ADARB2: variants seen among roughly 807,000 people sequenced by gnomAD.
ADARB2 encodes the protein adenosine deaminase RNA specific B2 (inactive), also known as inactive double-stranded RNA-specific editase B2.
A neutral mutation model predicts 62.2 loss-of-function variants in ADARB2; 25 were observed. The ratio of observed to expected loss-of-function variants is 0.40; its 90% CI spans 0.29 to 0.56. ADARB2 has a LOEUF of 0.56. Among genes scored for constraint, ADARB2 ranks in the 20% least tolerant of loss-of-function variants. The pLI is 0.43. For missense variants in ADARB2, 1,071 were observed against 1,077.4 expected, an observed-to-expected ratio of 0.99 and a Z score of 0.08; for synonymous variants, 572 against 500.8, an observed-to-expected ratio of 1.14 and a Z score of -1.90.
chr10:1,421,313 A>C (rs1832851306), intron 1 of ADARB2, among the ~76,000 whole-genome samples: 1 of 151,040 alleles, frequency 6.6e-6, no homozygotes, highest in African/African-American at 2.4e-5. Flanking sequence ...ACCTAACCCC[A>C]CCCACGCTCA....
intron 1 of ADARB2, among the ~76,000 whole-genome samples, chr10:1,397,921 T>C (rs12761571): frequency 4.0e-5 from 5 of 126,428 alleles, no homozygotes; most frequent in East Asian, 2.5e-4. Context: ...TGGGTCACCG[T>C]CCTCCTCTCC....
At chr10:1,239,892 C>G (rs111164679) in intron 5 of ADARB2, among the ~76,000 whole-genome samples, 11 of 17,636 alleles carry the variant, frequency 6.2e-4, no homozygotes, top group Admixed American at 1.5e-3. Context: ...ACTCCCCTCT[C>G]CCTCCCGGTG....
intron 1 of ADARB2, among the ~76,000 whole-genome samples, chr10:1,713,652 G>C (rs552364242): frequency 1.3e-5 from 2 of 152,196 alleles, no homozygotes; most frequent in Admixed American, 1.3e-4. Flanking sequence ...CACCTGGGCT[G>C]CAGAAGCCTG....
chr10:1,619,238 A>C lies in ADARB2; in HGVS notation c.100+117813T>G, dbSNP rs74635194. Among the ~76,000 whole-genome samples, 55 of 152,028 alleles carry C rather than the reference A, an allele frequency of 3.6e-4. No individual in the cohort carries two copies. The East Asian group carries it at 9.9e-3, about 27-fold the overall frequency. On this transcript the variant is annotated intron_variant, in intron 1 of 9. Coordinates refer to ENST00000381312, the MANE Select transcript of ADARB2 (RefSeq NM_018702.4). ...AGATAAATAAGTAAGATTTAGCTAC[A>C]TGCTGTCTACAAGATACATTTTAGA...
At chr10:1,367,133 G>A (rs780370143) in intron 2 of ADARB2, among the ~76,000 whole-genome samples, 2 of 152,144 alleles carry the variant, frequency 1.3e-5, no homozygotes, top group Non-Finnish European at 2.9e-5. Context: ...TGAAAATCAG[G>A]CACCTTTGCG....
At chr10:1,434,709 G>C (rs1382167213) in intron 1 of ADARB2, among the ~76,000 whole-genome samples, 2 of 152,168 alleles carry the variant, frequency 1.3e-5, no homozygotes, top group African/African-American at 4.8e-5. Context: ...TTTAGATGAC[G>C]TAAACTCACT....
Position 1,729,637 on chromosome 10 carries a change from C to CT in ADARB2, c.100+7413dup, listed in dbSNP as rs566201327. Among the ~76,000 whole-genome samples the CT allele has an allele frequency of 3.5e-3, 527 of 152,290 alleles. 4 individuals carry two copies. The highest frequency in any genetic ancestry group is 0.012 in the African/African-American group (508 of 41,560). ...GGTGGACTTAAACTAATAAAACCTG[C>CT]TTTTTGTTTAATCATTATCAGCGCC... On this transcript the variant is annotated intron_variant, in intron 1 of 9. Coordinates refer to ENST00000381312, the MANE Select transcript of ADARB2 (RefSeq NM_018702.4).
chr10:1,673,796 G>C (rs1303161343), intron 1 of ADARB2, among the ~76,000 whole-genome samples: 1 of 152,260 alleles, frequency 6.6e-6, no homozygotes, highest in African/African-American at 2.4e-5. Context: ...GGCAGGCCTT[G>C]CTGGGCATAC....
intron 3 of ADARB2, among the ~76,000 whole-genome samples, chr10:1,274,433 G>C (rs1476125272): frequency 6.6e-6 from 1 of 152,220 alleles, no homozygotes; most frequent in Non-Finnish European, 1.5e-5. Flanking sequence ...GTGCTCCAGA[G>C]TTATTCCCAA....
intron 8 of ADARB2, chr10:1,199,419 T>A (rs1564217621): frequency 6.6e-6 from 1 of 152,474 alleles, no homozygotes; most frequent in Non-Finnish European, 1.5e-5. Flanking sequence ...TTGGGGAGGC[T>A]CGGGTCTCTG....
chr10:1,459,417 A>G (rs1398405986), intron 1 of ADARB2, among the ~76,000 whole-genome samples: 1 of 152,202 alleles, frequency 6.6e-6, no homozygotes, highest in African/African-American at 2.4e-5. Context: ...GCAAATTAAC[A>G]TGGGGTCAGA....
chr10:1,343,370 G>A (rs576339632), intron 3 of ADARB2, among the ~76,000 whole-genome samples: 1 of 152,274 alleles, frequency 6.6e-6, no homozygotes, highest in African/African-American at 2.4e-5. Flanking sequence ...AATAACAGAT[G>A]CTGGCGAGAA....
At chr10:1,280,506 G>A (rs1452106477) in intron 3 of ADARB2, among the ~76,000 whole-genome samples, 2 of 152,184 alleles carry the variant, frequency 1.3e-5, no homozygotes, top group East Asian at 3.9e-4. Flanking sequence ...GTTGAGTGCT[G>A]GAGAAAATTG....
At chr10:1,213,164 G>C (rs902505411) in intron 7 of ADARB2, among the ~76,000 whole-genome samples, 2 of 152,066 alleles carry the variant, frequency 1.3e-5, no homozygotes, top group Non-Finnish European at 2.9e-5. Flanking sequence ...CAGAAAGACA[G>C]AGACAAGCAG....
chr10:1,534,325 C>T (rs771265192), intron 1 of ADARB2, among the ~76,000 whole-genome samples: 11 of 152,124 alleles, frequency 7.2e-5, no homozygotes, highest in East Asian at 3.9e-4. Flanking sequence ...TTAATAGAGA[C>T]GGGGGCTTCA....
chr10:1,617,562 G>A (rs972663644), intron 1 of ADARB2, among the ~76,000 whole-genome samples: 3 of 147,748 alleles, frequency 2.0e-5, no homozygotes, highest in African/African-American at 7.6e-5. Context: ...GTCGCTAGAT[G>A]TTTGTGTGCC....
chr10:1,720,955 C>T (rs1458498760), intron 1 of ADARB2, among the ~76,000 whole-genome samples: 2 of 152,210 alleles, frequency 1.3e-5, no homozygotes, highest in African/African-American at 2.4e-5. Flanking sequence ...TGCACAAAGC[C>T]GCTTTGAATG....
intron 1 of ADARB2, among the ~76,000 whole-genome samples, chr10:1,600,112 T>C (rs1833390816): frequency 6.6e-6 from 1 of 152,128 alleles, no homozygotes; most frequent in African/African-American, 2.4e-5. Flanking sequence ...CACGTGACAA[T>C]GCCAGGTTCA....
intron 1 of ADARB2, among the ~76,000 whole-genome samples, chr10:1,592,326 C>T (rs1833268910): frequency 1.4e-5 from 2 of 145,032 alleles, no homozygotes; most frequent in African/African-American, 5.0e-5. Flanking sequence ...CTTCCCTCGC[C>T]CAAGCCACCC....
Sources: gnomAD v4.1 joint callset for allele counts (sites outside exome capture counted in the v4.1 genomes callset) on GRCh38, gnomAD v4.1.1 for gene constraint, MANE v1.5 for transcripts, NCBI Gene and HGNC (gene_info 2026-07-23, HGNC 2026-07-21) for gene names.